The following TUBGCP3 variants were observed in gnomAD, a reference collection of about 807,000 sequenced individuals.
TUBGCP3 encodes tubulin gamma complex component 3, also known as gamma-tubulin complex component 3.
A neutral mutation model predicts 123.1 loss-of-function variants in TUBGCP3; 50 were observed. The observed-to-expected ratio is 0.41, with a 90% CI of 0.32 to 0.51. TUBGCP3 has a LOEUF of 0.51. Among genes scored for constraint, TUBGCP3 ranks in the 20% least tolerant of loss-of-function variants. The pLI, the probability that TUBGCP3 is intolerant of heterozygous loss-of-function variation, is 0.36. For synonymous variants in TUBGCP3, 405 were observed against 413.9 expected (o/e 0.98, Z 0.26); for missense variants, 882 against 1,127.0 (o/e 0.78, Z 3.11).
At chr13:112,561,837 T>C (rs979019146) in intron 3 of TUBGCP3, among the ~76,000 whole-genome samples, 5 of 152,192 alleles carry the variant, frequency 3.3e-5, no homozygotes, top group African/African-American at 1.2e-4. Flanking sequence ...AAGATGTATC[T>C]GAGGGTGAAG....
Position 112,545,918 on chromosome 13 carries a change from ACACACCAG to A in TUBGCP3, c.1169-61_1169-54del. 6.3e-7 allele frequency: 1 copy of A among 1,577,836 alleles called. No individual in the cohort carries two copies. Among genetic ancestry groups the A allele is most frequent in the Non-Finnish European group, 8.7e-7 (1 of 1,152,160 alleles). On this transcript the variant is annotated intron_variant, in intron 10 of 21. Transcript: ENST00000261965. The surrounding 1 kb of genome is among the most constrained non-coding windows in gnomAD (Gnocchi z 4.1). ...AAACATCCACATTTACACTCATAGT[ACACACCAG>A]TCACTTCTCACCAACCAAAGACGCC...
At chr13:112,578,030 CG>C (rs1419371400) in intron 1 of TUBGCP3, among the ~76,000 whole-genome samples, 14 of 152,072 alleles carry the variant, frequency 9.2e-5, no homozygotes, top group Non-Finnish European at 2.1e-4. Context: ...GTCTGACTAA[CG>C]TAAAAGAGTC....
At chr13:112,558,526 G>T in intron 4 of TUBGCP3, 113 bp from the exon 5 acceptor site, 1 of 907,200 alleles carries the variant, frequency 1.1e-6, no homozygotes. Context: ...ACTGGATTTG[G>T]GTTCCATACT....
intron 21 of TUBGCP3, among the ~76,000 whole-genome samples, chr13:112,487,745 A>T (rs1011720879): frequency 2.0e-5 from 3 of 152,208 alleles, no homozygotes; most frequent in African/African-American, 7.2e-5. Context: ...TGAAACTTCA[A>T]CAAAAATGCA....
chr13:112,535,793 T>A (rs890917048), intron 11 of TUBGCP3, among the ~76,000 whole-genome samples: 3 of 152,220 alleles, frequency 2.0e-5, no homozygotes, highest in African/African-American at 7.2e-5. Flanking sequence ...CCTGATATAC[T>A]TGTTCTCACT....
intron 2 of TUBGCP3, among the ~76,000 whole-genome samples, chr13:112,568,951 C>T (rs1881194761): frequency 6.6e-6 from 1 of 152,208 alleles, no homozygotes; most frequent in African/African-American, 2.4e-5. Flanking sequence ...AAGCTTTATG[C>T]ACCATCCCAG....
intron 11 of TUBGCP3, among the ~76,000 whole-genome samples, chr13:112,540,070 G>A: frequency 6.6e-6 from 1 of 151,104 alleles, no homozygotes; most frequent in Non-Finnish European, 1.5e-5. Context: ...GGACACCTGG[G>A]AATGAGGACG....
Position 112,554,835 on chromosome 13 carries a change from T to G in TUBGCP3, c.840+52A>C. Reference sequence around the variant, plus strand: ...ATCAACAGCCACTATCTGGACTTCATGACATGTTTTTTCTTTCTGAATATT... The same window carrying G: ...ATCAACAGCCACTATCTGGACTTCAGGACATGTTTTTTCTTTCTGAATATT... On this transcript the variant is annotated intron_variant, in intron 7 of 21. Coordinates refer to ENST00000261965, the MANE Select transcript of TUBGCP3 (RefSeq NM_006322.6). The G allele has an allele frequency of 5.2e-6, 7 of 1,341,858 alleles. No individual in the cohort carries two copies. In the Admixed American group the frequency reaches 1.4e-4, roughly 27 times the overall value. The allele number at this position is 1,341,858 out of a possible 1,614,324, so 83.1% of individuals were successfully genotyped here. A position where few individuals can be genotyped will look rare whatever the true frequency, so the allele number is the denominator to read the frequency against.
intron 21 of TUBGCP3, among the ~76,000 whole-genome samples, chr13:112,489,005 C>G (rs1879881012): frequency 7.5e-6 from 1 of 133,840 alleles, no homozygotes; most frequent in Admixed American, 7.2e-5. Context: ...ACACCCACCA[C>G]AGTGGAGCAC....
At chr13:112,529,809 C>T (rs1877431737) in intron 11 of TUBGCP3, among the ~76,000 whole-genome samples, 1 of 152,182 alleles carries the variant, frequency 6.6e-6, no homozygotes, top group South Asian at 2.1e-4. Flanking sequence ...GCTGAGTTCT[C>T]CAGTCAGACT....
At chr13:112,494,454 T>C (rs934799944) in intron 20 of TUBGCP3, among the ~76,000 whole-genome samples, 2 of 152,240 alleles carry the variant, frequency 1.3e-5, no homozygotes, top group African/African-American at 4.8e-5. Flanking sequence ...CTGTTTAAAA[T>C]TAGCCAGTGC....
chr13:112,559,441 T>C (rs751026972), intron 3 of TUBGCP3, 42 bp from the exon 4 acceptor site: 8 of 1,474,280 alleles, frequency 5.4e-6, no homozygotes, highest in Non-Finnish European at 6.6e-6. Flanking sequence ...GATTTTATAC[T>C]ACTCTCCAGC....
At chr13:112,589,141 A>G (rs1882815542), upstream of TUBGCP3, among the ~76,000 whole-genome samples, 1 of 152,204 alleles carries the variant, frequency 6.6e-6, no homozygotes, top group Non-Finnish European at 1.5e-5. Context: ...TGCCTTCGAT[A>G]CGCATTCTGT....
At chr13:112,572,382 G>A (rs539283320) in intron 1 of TUBGCP3, among the ~76,000 whole-genome samples, 15 of 152,218 alleles carry the variant, frequency 9.9e-5, no homozygotes, top group African/African-American at 2.9e-4. Flanking sequence ...GCTGGTTTGC[G>A]GCACCTAATG....
chr13:112,558,326 G>A lies in TUBGCP3; in HGVS notation c.418C>T (p.Pro140Ser). ...PYYYARPQTL[P>S]LSYQDRSAQS... ...GCACTCCGATCTTGGTAGCTCAGGG[G>A]AAGGGTCTGAGGCCTGGCATAGTAG... Residue 140 changes from proline (P) to serine (S), a missense_variant, in exon 5 of 22, where the codon CCC becomes TCC. Pro to Ser is a moderately conservative substitution (Grantham distance 74). This residue lies in a region of TUBGCP3 where 713 missense variants were observed against 874.0 expected (regional missense o/e 0.82). Coordinates refer to ENST00000261965, the MANE Select transcript of TUBGCP3 (RefSeq NM_006322.6). The A allele has an allele frequency of 6.2e-7, 1 of 1,614,060 alleles. No individual in the cohort carries two copies. Among genetic ancestry groups the A allele is most frequent in the Non-Finnish European group, 8.5e-7 (1 of 1,179,990 alleles).
At position 112,587,963 on chromosome 13, in the gene TUBGCP3, C is replaced by T; in HGVS notation, c.18G>A (p.Gln6=). 1 of 1,590,782 alleles carries T rather than the reference C, an allele frequency of 6.3e-7. No individual in the cohort carries two copies. The highest frequency in any genetic ancestry group is 8.5e-7 in the Non-Finnish European group (1 of 1,170,188). MATPD[Q]KSPNVLLQNL... Reference sequence around the variant, plus strand: ...TCTGCAGCAGAACGTTCGGCGACTTCTGGTCCGGGGTCGCCATCCTCGCCC... The same window carrying T: ...TCTGCAGCAGAACGTTCGGCGACTTTTGGTCCGGGGTCGCCATCCTCGCCC... Residue 6 remains glutamine (Q), a synonymous_variant, in exon 1 of 22, where the codon CAG becomes CAA. Transcript: ENST00000261965.
At chr13:112,496,108 A>C (rs1009285930) in intron 20 of TUBGCP3, among the ~76,000 whole-genome samples, 1 of 152,228 alleles carries the variant, frequency 6.6e-6, no homozygotes, top group Non-Finnish European at 1.5e-5. Context: ...GCATTATCGT[A>C]AGATGGCAAA....
chr13:112,533,482 G>A (rs1393021036), intron 11 of TUBGCP3, among the ~76,000 whole-genome samples: 1 of 152,106 alleles, frequency 6.6e-6, no homozygotes, highest in East Asian at 1.9e-4. Context: ...GGGGTCTGTG[G>A]ACTTGGGAGG....
At chr13:112,510,679 C>T (rs1042279087) in intron 17 of TUBGCP3, among the ~76,000 whole-genome samples, 9 of 152,144 alleles carry the variant, frequency 5.9e-5, no homozygotes, top group African/African-American at 1.7e-4. Flanking sequence ...AAGTAAGTGC[C>T]GTCGCCACCT....
Sources: gnomAD v4.1 joint callset for allele counts (sites outside exome capture counted in the v4.1 genomes callset) on GRCh38, gnomAD v4.1.1 for gene constraint, gnomAD v4.1.1 regional missense constraint, Gnocchi (gnomAD v3.1) non-coding constraint, MANE v1.5 for transcripts, NCBI Gene and HGNC (gene_info 2026-07-23, HGNC 2026-07-21) for gene names.